Variants in COL22A1 observed in about 807,000 individuals in gnomAD.
The protein encoded by COL22A1 is collagen type XXII alpha 1 chain.
COL22A1 carries 221 observed loss-of-function variants against 248.9 expected under a neutral mutation model. The ratio of observed to expected loss-of-function variants is 0.89; its 90% CI spans 0.80 to 0.99. COL22A1 has a LOEUF of 0.99. COL22A1 is among the 50% of genes least tolerant of loss of function. COL22A1 has a pLI of 0.00. For missense variants in COL22A1, 2,240 were observed against 2,179.0 expected, an observed-to-expected ratio of 1.03 and a Z score of -0.56; for synonymous variants, 891 against 793.4, an observed-to-expected ratio of 1.12 and a Z score of -2.07.
intron 12 of COL22A1, among the ~76,000 whole-genome samples, chr8:138,793,605 C>T (rs1398523475): frequency 2.0e-5 from 3 of 152,232 alleles, no homozygotes; most frequent in Non-Finnish European, 4.4e-5. Context: ...GAAGTGCCAG[C>T]GTCCATTCAG....
chr8:138,725,788 CACACACACACAT>C (rs1350370266), intron 23 of COL22A1, among the ~76,000 whole-genome samples: 8 of 100,724 alleles, frequency 7.9e-5, no homozygotes, highest in South Asian at 7.4e-4. Context: ...CACACACACA[CACACACACACAT>C]AGTCTGACCC....
intron 45 of COL22A1, among the ~76,000 whole-genome samples, chr8:138,653,128 A>G (rs929370971): frequency 6.6e-6 from 1 of 152,116 alleles, no homozygotes; most frequent in Non-Finnish European, 1.5e-5. Flanking sequence ...AGTACCAAGT[A>G]AGCACTCAAC....
chr8:138,844,545 C>T (rs542918004), intron 3 of COL22A1, among the ~76,000 whole-genome samples: 1 of 152,260 alleles, frequency 6.6e-6, no homozygotes, highest in East Asian at 1.9e-4. Flanking sequence ...TAATCTAACG[C>T]AGGAGGACAG....
At chr8:138,836,679 A>G (rs1008437283) in intron 4 of COL22A1, among the ~76,000 whole-genome samples, 1 of 152,224 alleles carries the variant, frequency 6.6e-6, no homozygotes, top group African/African-American at 2.4e-5. Flanking sequence ...GTAAACTGGG[A>G]TAATGGGTAC....
intron 53 of COL22A1, among the ~76,000 whole-genome samples, chr8:138,617,875 T>C (rs562026605): frequency 1.3e-5 from 2 of 152,248 alleles, no homozygotes; most frequent in African/African-American, 4.8e-5. Flanking sequence ...CTGTCAGGAC[T>C]GAATAAGACT....
intron 5 of COL22A1, among the ~76,000 whole-genome samples, chr8:138,830,041 G>A (rs1367029885): frequency 6.6e-6 from 1 of 152,068 alleles, no homozygotes; most frequent in Non-Finnish European, 1.5e-5. Context: ...TTTAATCAGG[G>A]AGAAAAAAGA....
intron 39 of COL22A1, among the ~76,000 whole-genome samples, chr8:138,680,216 G>C (rs536320369): frequency 2.7e-4 from 41 of 152,356 alleles, no homozygotes; most frequent in African/African-American, 8.7e-4. Context: ...AGAGATGTGG[G>C]AGGAAGGAAG....
intron 22 of COL22A1, among the ~76,000 whole-genome samples, chr8:138,742,650 A>T (rs1831712037): frequency 7.5e-6 from 1 of 133,696 alleles, no homozygotes; most frequent in Admixed American, 7.5e-5. Context: ...GTGATGGTGG[A>T]GTTGATGGTG....
intron 41 of COL22A1, among the ~76,000 whole-genome samples, chr8:138,675,729 C>T (rs1481242167): frequency 6.6e-6 from 1 of 152,080 alleles, no homozygotes; most frequent in Non-Finnish European, 1.5e-5. Context: ...GGTCTTATGT[C>T]CCAAAAACTA....
intron 41 of COL22A1, among the ~76,000 whole-genome samples, chr8:138,666,394 T>C (rs914408647): frequency 6.6e-6 from 1 of 152,166 alleles, no homozygotes; most frequent in Non-Finnish European, 1.5e-5. Flanking sequence ...TTAACCCCAA[T>C]CAGAGGCCTA....
chr8:138,821,990 A>C (rs1031957446), intron 6 of COL22A1, among the ~76,000 whole-genome samples: 1 of 152,116 alleles, frequency 6.6e-6, no homozygotes, highest in Non-Finnish European at 1.5e-5. Context: ...GGCATTTTGG[A>C]ATGGGCAAAT....
chr8:138,588,869 T>C lies in COL22A1; in HGVS notation c.*384A>G, dbSNP rs547327197. On this transcript the variant is annotated 3_prime_UTR_variant, in exon 65 of 65. Coordinates refer to ENST00000303045, the MANE Select transcript of COL22A1 (RefSeq NM_152888.3). ...ATTTGCCAAGTGTCTGGTCAGGGTTTTGTAGCACCAAGAGTTTCCTTAAAA... is the reference window on the plus strand; with the variant it reads ...ATTTGCCAAGTGTCTGGTCAGGGTTCTGTAGCACCAAGAGTTTCCTTAAAA... 1 of 159,576 alleles carries C rather than the reference T, an allele frequency of 6.3e-6. No homozygotes were observed. The highest frequency in any genetic ancestry group is 1.8e-4 in the East Asian group (1 of 5,560). 9.9% of individuals were successfully genotyped at this position (159,576 alleles called of 1,614,324 possible).
intron 18 of COL22A1, among the ~76,000 whole-genome samples, chr8:138,759,138 C>T (rs998175698): frequency 2.0e-5 from 3 of 152,162 alleles, no homozygotes; most frequent in South Asian, 2.1e-4. Context: ...CACTGAAGCC[C>T]GAGTGAGCGA....
intron 50 of COL22A1, among the ~76,000 whole-genome samples, chr8:138,629,236 A>C (rs1305661712): frequency 5.3e-5 from 8 of 152,144 alleles, no homozygotes. Context: ...AGTTCCCTGC[A>C]GTCTCTGCCT....
chr8:138,709,760 C>T (rs1230812716), intron 30 of COL22A1, among the ~76,000 whole-genome samples: 2 of 152,164 alleles, frequency 1.3e-5, no homozygotes, highest in African/African-American at 2.4e-5. Flanking sequence ...ATCTTGTGCA[C>T]ATGTACCCTA....
intron 27 of COL22A1, among the ~76,000 whole-genome samples, chr8:138,719,888 C>T (rs994457784): frequency 7.2e-5 from 11 of 152,188 alleles, no homozygotes; most frequent in Non-Finnish European, 1.5e-4. Flanking sequence ...CCCAGTAGAG[C>T]GGGAGCCCTG....
rs189533260 is a variant in COL22A1, at chr8:138,635,098, C to T, written c.3556-35G>A. 1.1e-3 allele frequency: 1,732 copies of T among 1,532,256 alleles called. 7 individuals carry two copies. The highest frequency in any genetic ancestry group is 4.3e-3 in the South Asian group (367 of 84,830). The allele number at this position is 1,532,256 out of a possible 1,614,324, so 94.9% of individuals were successfully genotyped here. On this transcript the variant is annotated intron_variant, in intron 48 of 64. Transcript: ENST00000303045. ...CACAAGATGCAATTCTTTAAAATGA[C>T]TTGAAAAATACTTTTTACTTTGTGC... is the stretch of plus-strand genomic sequence containing the variant.
At chr8:138,602,753 A>G (rs7017350) in intron 59 of COL22A1, among the ~76,000 whole-genome samples, 132,582 of 151,924 alleles carry the variant, frequency 0.87, 58,378 homozygotes, top group Middle Eastern at 0.94. Context: ...GACACGGCCC[A>G]CAGTGCCCAC....
intron 1 of COL22A1, among the ~76,000 whole-genome samples, chr8:138,899,066 T>C (rs998632100): frequency 1.3e-5 from 2 of 152,208 alleles, no homozygotes; most frequent in Non-Finnish European, 2.9e-5. Context: ...CTTGCTCACA[T>C]CAATCCCATA....
Sources: allele counts gnomAD v4.1 joint callset (sites outside exome capture counted in the v4.1 genomes callset), GRCh38; gene constraint gnomAD v4.1.1; transcripts MANE v1.5; gene names NCBI Gene and HGNC (gene_info 2026-07-23, HGNC 2026-07-21).